The following CHRM2 variants were observed in gnomAD, a reference collection of about 807,000 sequenced individuals.
CHRM2 encodes the protein cholinergic receptor muscarinic 2.
A neutral mutation model predicts 25.0 loss-of-function variants in CHRM2; 8 were observed. The observed-to-expected ratio is 0.32, with a 90% CI of 0.19 to 0.58. The LOEUF is 0.58. Among genes scored for constraint, CHRM2 ranks in the 20% least tolerant of loss-of-function variants. CHRM2 has a pLI of 0.88. For missense variants in CHRM2, 440 were observed against 567.1 expected, an observed-to-expected ratio of 0.78 and a Z score of 2.28; for synonymous variants, 202 against 205.7, an observed-to-expected ratio of 0.98 and a Z score of 0.15.
At chr7:136,923,836 C>T (rs966038300) in intron 2 of CHRM2, among the ~76,000 whole-genome samples, 1 of 151,862 alleles carries the variant, frequency 6.6e-6, no homozygotes, top group Non-Finnish European at 1.5e-5. Flanking sequence ...AGGCAAGAGC[C>T]CTGTCTCTAC....
At chr7:136,974,815 C>G (rs906791872) in intron 2 of CHRM2, among the ~76,000 whole-genome samples, 2 of 152,058 alleles carry the variant, frequency 1.3e-5, no homozygotes, top group African/African-American at 4.8e-5. Flanking sequence ...ACTGAGAGGT[C>G]AGAGTACAAG....
intron 3 of CHRM2, among the ~76,000 whole-genome samples, chr7:137,009,399 C>T (rs914498711): frequency 6.6e-6 from 1 of 152,040 alleles, no homozygotes; most frequent in Non-Finnish European, 1.5e-5. Context: ...AATTTTAAGA[C>T]AATTTTTTGA....
intron 2 of CHRM2, among the ~76,000 whole-genome samples, chr7:136,886,097 A>C (rs1255767427): frequency 6.6e-6 from 1 of 152,208 alleles, no homozygotes; most frequent in Non-Finnish European, 1.5e-5. Context: ...TTATGTTTAA[A>C]TCATATGCCC....
chr7:136,944,006 T>C (rs1799919544), intron 2 of CHRM2, among the ~76,000 whole-genome samples: 1 of 152,120 alleles, frequency 6.6e-6, no homozygotes, highest in Non-Finnish European at 1.5e-5. Flanking sequence ...CAGATAGGAC[T>C]CTCTGATATG....
Position 137,019,819 on chromosome 7 carries a change from T to A in CHRM2, c.*3553T>A, listed in dbSNP as rs1805344692. 1 of 151,892 alleles carries A rather than the reference T, an allele frequency of 6.6e-6. No individual in the cohort carries two copies. Among genetic ancestry groups the A allele is most frequent in the African/African-American group, 2.4e-5 (1 of 41,412 alleles). The allele number at this position is 151,892 out of a possible 1,614,324, so 9.4% of individuals were successfully genotyped here. On this transcript the variant is annotated 3_prime_UTR_variant, in exon 4 of 4. Transcript: ENST00000680005. ...ATGTCCAACATACTCCTGCTCTTTGTTCATTTGCTTTTTTGATCCTGAAGA... is the reference window on the plus strand; with the variant it reads ...ATGTCCAACATACTCCTGCTCTTTGATCATTTGCTTTTTTGATCCTGAAGA...
intron 2 of CHRM2, among the ~76,000 whole-genome samples, chr7:136,957,029 C>A (rs933217836): frequency 2.6e-5 from 4 of 152,122 alleles, no homozygotes. Context: ...TCAGAGATGC[C>A]TAATGGAGGT....
chr7:136,901,624 A>T (rs1797214972), intron 2 of CHRM2, among the ~76,000 whole-genome samples: 1 of 151,650 alleles, frequency 6.6e-6, no homozygotes, highest in Admixed American at 6.6e-5. Flanking sequence ...TTTTTCCCCC[A>T]TTTCCATTGT....
intron 2 of CHRM2, among the ~76,000 whole-genome samples, chr7:136,930,169 A>AC (rs1330646526): frequency 3.3e-5 from 5 of 152,290 alleles, no homozygotes; most frequent in Admixed American, 3.3e-4. Context: ...ATGGTGGCTC[A>AC]CACCAGTAAT....
At chr7:136,919,666 A>G (rs549850875) in intron 2 of CHRM2, among the ~76,000 whole-genome samples, 6 of 152,104 alleles carry the variant, frequency 3.9e-5, no homozygotes, top group African/African-American at 1.4e-4. Flanking sequence ...TAGTTCCCCC[A>G]ATGTACCGTG....
intron 2 of CHRM2, among the ~76,000 whole-genome samples, chr7:136,908,827 A>G (rs1218197465): frequency 6.6e-6 from 1 of 151,972 alleles, no homozygotes; most frequent in Non-Finnish European, 1.5e-5. Context: ...AGTGAAGGAA[A>G]GAGATGAAAT....
intron 2 of CHRM2, among the ~76,000 whole-genome samples, chr7:136,947,879 A>G (rs532629579): frequency 2.0e-5 from 3 of 152,270 alleles, no homozygotes; most frequent in Admixed American, 1.3e-4. Context: ...TTCTGTCTTA[A>G]TAGCCTCAAT....
intron 2 of CHRM2, among the ~76,000 whole-genome samples, chr7:136,939,567 T>G (rs1328233089): frequency 6.6e-6 from 1 of 152,256 alleles, no homozygotes; most frequent in Non-Finnish European, 1.5e-5. Flanking sequence ...ATTACTTTCC[T>G]CTTTACAATA....
At chr7:136,939,282 G>A (rs917690312) in intron 2 of CHRM2, among the ~76,000 whole-genome samples, 1 of 152,178 alleles carries the variant, frequency 6.6e-6, no homozygotes, top group Admixed American at 6.5e-5. Context: ...GCTTACACAG[G>A]TGTGGAGCTA....
intron 2 of CHRM2, among the ~76,000 whole-genome samples, chr7:136,946,171 T>G (rs1480656124): frequency 6.6e-6 from 1 of 152,160 alleles, no homozygotes; most frequent in African/African-American, 2.4e-5. Context: ...ATAATGTATG[T>G]AAAAATGTTC....
At chr7:136,896,838 T>C (rs1163627333) in intron 2 of CHRM2, among the ~76,000 whole-genome samples, 1 of 152,122 alleles carries the variant, frequency 6.6e-6, no homozygotes, top group East Asian at 1.9e-4. Context: ...GACACTACTT[T>C]AACAAAGTTG....
chr7:136,924,568 T>C (rs1031252724), intron 2 of CHRM2, among the ~76,000 whole-genome samples: 1 of 152,070 alleles, frequency 6.6e-6, no homozygotes, highest in African/African-American at 2.4e-5. Context: ...CGCTGATACT[T>C]TGCCCAAAGG....
chr7:137,004,153 C>A (rs74461513), intron 3 of CHRM2, among the ~76,000 whole-genome samples: 6,380 of 152,222 alleles, frequency 0.042, 168 homozygotes, highest in African/African-American at 0.083. Flanking sequence ...CATTTGCTGT[C>A]TACTGGAAGA....
chr7:136,958,549 G>C (rs188002248), intron 2 of CHRM2, among the ~76,000 whole-genome samples: 1 of 148,954 alleles, frequency 6.7e-6, no homozygotes, highest in Non-Finnish European at 1.5e-5. Flanking sequence ...TCTACCTCCC[G>C]GGGCTAAAGC....
chr7:136,914,250 C>A (rs1276794599), intron 2 of CHRM2: 1 of 151,918 alleles, frequency 6.6e-6, no homozygotes, highest in Non-Finnish European at 1.5e-5. Flanking sequence ...CTCATCTAGT[C>A]TCCAGGTGAT....
Sources: gnomAD v4.1 joint callset for allele counts (sites outside exome capture counted in the v4.1 genomes callset) on GRCh38, gnomAD v4.1.1 for gene constraint, MANE v1.5 for transcripts, NCBI Gene and HGNC (gene_info 2026-07-23, HGNC 2026-07-21) for gene names.